GLIS3: variants seen among roughly 807,000 people sequenced by gnomAD.
GLIS3 encodes zinc finger protein GLIS3.
A neutral mutation model predicts 78.6 loss-of-function variants in GLIS3; 53 were observed. The ratio of observed to expected loss-of-function variants is 0.67; its 90% CI spans 0.54 to 0.85. The LOEUF is 0.85. GLIS3 is among the 40% of genes least tolerant of loss of function. The pLI, the probability that GLIS3 is intolerant of heterozygous loss-of-function variation, is 0.00. For synonymous variants in GLIS3, 684 were observed against 509.9 expected (o/e 1.34, Z -4.60); for missense variants, 1,703 against 1,231.1 (o/e 1.38, Z -5.74).
intron 6 of GLIS3, among the ~76,000 whole-genome samples, chr9:3,905,225 T>C (rs1226074323): frequency 6.9e-6 from 1 of 145,776 alleles, no homozygotes; most frequent in African/African-American, 2.5e-5. Context: ...CTCCTGACCT[T>C]GTGATCCGTC....
At chr9:4,076,951 T>C (rs968299574) in intron 4 of GLIS3, among the ~76,000 whole-genome samples, 2 of 152,096 alleles carry the variant, frequency 1.3e-5, no homozygotes, top group Non-Finnish European at 2.9e-5. Context: ...CCTAGCTACT[T>C]GGGAGGTTGA....
chr9:3,973,986 C>G (rs1365664561), intron 4 of GLIS3, among the ~76,000 whole-genome samples: 1 of 152,056 alleles, frequency 6.6e-6, no homozygotes, highest in Non-Finnish European at 1.5e-5. Flanking sequence ...ATAAAAAAAT[C>G]AAACATTTAT....
chr9:4,160,240 T>A (rs912992531), intron 2 of GLIS3, among the ~76,000 whole-genome samples: 3 of 152,226 alleles, frequency 2.0e-5, no homozygotes, highest in African/African-American at 4.8e-5. Flanking sequence ...AATACCTGGT[T>A]TCATTTCTTC....
chr9:4,068,447 C>A (rs73390497), intron 4 of GLIS3, among the ~76,000 whole-genome samples: 9,606 of 151,906 alleles, frequency 0.063, 917 homozygotes, highest in African/African-American at 0.21. Context: ...GCAAAAAGGG[C>A]AAAGAAATAT....
At chr9:4,051,798 T>C (rs1240786499) in intron 4 of GLIS3, among the ~76,000 whole-genome samples, 1 of 152,166 alleles carries the variant, frequency 6.6e-6, no homozygotes, top group Non-Finnish European at 1.5e-5. Context: ...CACTAACAAA[T>C]AGGGCACAAC....
At chr9:4,481,754 C>T in the GLIS3 span, among the ~76,000 whole-genome samples, 3 of 152,094 alleles carry the variant, frequency 2.0e-5, no homozygotes, top group East Asian at 3.9e-4. Context: ...GTATTTTTTT[C>T]GTTATAAGTT....
chr9:4,467,654 G>C, the GLIS3 span, among the ~76,000 whole-genome samples: 2 of 152,024 alleles, frequency 1.3e-5, no homozygotes, highest in African/African-American at 4.8e-5. Flanking sequence ...AAAGAACAAA[G>C]GTAGATAAAA....
the GLIS3 span, among the ~76,000 whole-genome samples, chr9:4,433,516 C>T: frequency 1.3e-5 from 2 of 152,214 alleles, no homozygotes; most frequent in African/African-American, 2.4e-5. Flanking sequence ...TTATAGCCAA[C>T]TACTAAAATT....
intron 4 of GLIS3, among the ~76,000 whole-genome samples, chr9:4,107,687 C>A (rs1262166459): frequency 6.6e-6 from 1 of 151,474 alleles, no homozygotes; most frequent in Non-Finnish European, 1.5e-5. Flanking sequence ...GCACAGTGAT[C>A]TCAGAGACAA....
chr9:3,918,213 G>A (rs1228443177), intron 6 of GLIS3, among the ~76,000 whole-genome samples: 1 of 152,134 alleles, frequency 6.6e-6, no homozygotes, highest in African/African-American at 2.4e-5. Context: ...AATATTTAGG[G>A]TCATTTGAGG....
intron 4 of GLIS3, among the ~76,000 whole-genome samples, chr9:3,974,140 A>G (rs114905709): frequency 3.9e-5 from 6 of 152,288 alleles, no homozygotes; most frequent in African/African-American, 1.4e-4. Context: ...AACAGAGGAA[A>G]GAGTTCTGGA....
intron 2 of GLIS3, among the ~76,000 whole-genome samples, chr9:4,255,622 C>T (rs747006289): frequency 1.3e-5 from 2 of 152,098 alleles, no homozygotes; most frequent in Non-Finnish European, 2.9e-5. Flanking sequence ...GAGAAGGCTA[C>T]ATACTGTATA....
chr9:4,380,792 CAT>C, the GLIS3 span, among the ~76,000 whole-genome samples: 2 of 152,116 alleles, frequency 1.3e-5, no homozygotes, highest in Non-Finnish European at 2.9e-5. Context: ...TTTAATTCAA[CAT>C]AAAGTTTTGG....
At chr9:4,360,791 G>GT in the GLIS3 span, among the ~76,000 whole-genome samples, 1 of 152,166 alleles carries the variant, frequency 6.6e-6, no homozygotes, top group East Asian at 1.9e-4. Flanking sequence ...ACCTTGAAGG[G>GT]TGCTGCAGAA....
chr9:3,962,433 T>C (rs1028468276), intron 4 of GLIS3, among the ~76,000 whole-genome samples: 7 of 152,144 alleles, frequency 4.6e-5, no homozygotes, highest in African/African-American at 1.7e-4. Flanking sequence ...GCCTCACTAG[T>C]TTCTTCCCCA....
intron 2 of GLIS3, among the ~76,000 whole-genome samples, chr9:4,157,016 C>T (rs886703533): frequency 2.6e-5 from 4 of 152,166 alleles, no homozygotes; most frequent in Non-Finnish European, 4.4e-5. Context: ...TTGAAAAGCA[C>T]GGCTCTAACA....
chr9:4,098,955 C>G (rs76114596), intron 4 of GLIS3, among the ~76,000 whole-genome samples: 1 of 152,188 alleles, frequency 6.6e-6, no homozygotes, highest in African/African-American at 2.4e-5. Flanking sequence ...AAAACACACA[C>G]TACAAGTAAG....
chr9:3,922,752 T>C (rs1563853064), intron 6 of GLIS3, among the ~76,000 whole-genome samples: 1 of 151,880 alleles, frequency 6.6e-6, no homozygotes, highest in Non-Finnish European at 1.5e-5. Context: ...TGAAAAAATA[T>C]AAAGAGAGAA....
intron 2 of GLIS3, among the ~76,000 whole-genome samples, chr9:4,142,089 G>A (rs926088327): frequency 6.6e-6 from 1 of 152,208 alleles, no homozygotes; most frequent in Non-Finnish European, 1.5e-5. Context: ...GAAGAACAGA[G>A]TAGGTGCTCA....
Sources: gnomAD v4.1 joint callset for allele counts (sites outside exome capture counted in the v4.1 genomes callset) on GRCh38, gnomAD v4.1.1 for gene constraint, MANE v1.5 for transcripts, NCBI Gene and HGNC (gene_info 2026-07-23, HGNC 2026-07-21) for gene names.